RAD51B: variants seen among roughly 807,000 people sequenced by gnomAD.
The protein encoded by RAD51B is DNA repair protein RAD51 homolog 2.
In RAD51B, 38 loss-of-function variants were observed where a neutral mutation model predicts 42.2. The observed-to-expected ratio is 0.90, with a 90% CI of 0.70 to 1.18. RAD51B has a LOEUF of 1.18. RAD51B is among the 50% of genes most tolerant of loss of function. RAD51B has a pLI of 0.00. For synonymous variants in RAD51B, 154 were observed against 145.2 expected (o/e 1.06, Z -0.43); for missense variants, 373 against 400.7 (o/e 0.93, Z 0.59).
chr14:68,655,023 C>T (rs1354515036), intron 11 of RAD51B, among the ~76,000 whole-genome samples: 2 of 152,120 alleles, frequency 1.3e-5, no homozygotes, highest in Non-Finnish European at 2.9e-5. Flanking sequence ...AGAGGCTGGC[C>T]CCACCAGGCA....
rs2084314979 is a variant in RAD51B at position 68,407,758 on chromosome 14, T to G, written c.854-3666T>G. On this transcript the variant is annotated intron_variant, in intron 8 of 10. Coordinates refer to ENST00000471583, the MANE Select transcript of RAD51B (RefSeq NM_133510.4). ...ATAGGAAGTAGCATTGAAGGCAGAGTAGATTTGGGACATGTGAACATAGGG... is the reference window on the plus strand; with the variant it reads ...ATAGGAAGTAGCATTGAAGGCAGAGGAGATTTGGGACATGTGAACATAGGG... Among the ~76,000 whole-genome samples, 3 of 151,686 alleles carry G rather than the reference T, an allele frequency of 2.0e-5. No homozygotes were observed. In the South Asian group the frequency reaches 6.3e-4, roughly 32 times the overall value.
At chr14:68,459,732 G>A (rs2085795848) in intron 9 of RAD51B, among the ~76,000 whole-genome samples, 1 of 152,344 alleles carries the variant, frequency 6.6e-6, no homozygotes, top group Admixed American at 6.5e-5. Context: ...GCTTCTTGCT[G>A]AACTTCTCTT....
chr14:68,280,490 T>G (rs1411503580), intron 7 of RAD51B, among the ~76,000 whole-genome samples: 1 of 152,160 alleles, frequency 6.6e-6, no homozygotes, highest in Non-Finnish European at 1.5e-5. Context: ...GAACCTCAGT[T>G]TCCTCATCTT....
chr14:68,274,084 A>G lies in RAD51B; in HGVS notation c.757-17800A>G, dbSNP rs527438467. ...TTTCAAATCTCTTGTTGATTCTACT[A>G]GTGACCCCCACATTTCTAACTGATA... On this transcript the variant is annotated intron_variant, in intron 7 of 10. Transcript: ENST00000471583. Among the ~76,000 whole-genome samples, 16 of 152,188 alleles carry G rather than the reference A, an allele frequency of 1.1e-4. 1 individual carries two copies. In the South Asian group the frequency reaches 2.9e-3, roughly 28 times the overall value.
At chr14:68,449,872 T>TAGA (rs1269730186) in intron 9 of RAD51B, among the ~76,000 whole-genome samples, 2 of 152,192 alleles carry the variant, frequency 1.3e-5, no homozygotes, top group East Asian at 3.8e-4. Flanking sequence ...TCCTTGTGAT[T>TAGA]AGAAGAACTC....
At chr14:68,093,403 T>C (rs960064624) in intron 7 of RAD51B, among the ~76,000 whole-genome samples, 1 of 152,230 alleles carries the variant, frequency 6.6e-6, no homozygotes, top group African/African-American at 2.4e-5. Context: ...ATTCAGAGAT[T>C]CAACTTCTTC....
intron 7 of RAD51B, among the ~76,000 whole-genome samples, chr14:68,089,759 CTT>C (rs1004491788): frequency 1.3e-5 from 2 of 152,144 alleles, no homozygotes; most frequent in African/African-American, 4.8e-5. Context: ...AAAACGCAGA[CTT>C]TGGCAAAAGA....
chr14:68,673,292 T>C (rs1215748848), intron 11 of RAD51B, among the ~76,000 whole-genome samples: 4 of 152,276 alleles, frequency 2.6e-5, no homozygotes, highest in Non-Finnish European at 5.9e-5. Flanking sequence ...AAGACATGCA[T>C]GTACACACAT....
intron 7 of RAD51B, among the ~76,000 whole-genome samples, chr14:67,986,017 GTGTGTGTGTGTGTGTAGTTTAATTC>G (rs2075184763): frequency 6.6e-6 from 1 of 152,132 alleles, no homozygotes; most frequent in Non-Finnish European, 1.5e-5. Flanking sequence ...TGATTTGTGT[GTGTGTGTGTGTGTGTAGTTTAATTC>G]TGTGTGTGTA....
intron 10 of RAD51B, among the ~76,000 whole-genome samples, chr14:68,485,689 C>T (rs1036512299): frequency 1.3e-5 from 2 of 152,224 alleles, no homozygotes; most frequent in Non-Finnish European, 2.9e-5. Flanking sequence ...TTGCATTTCT[C>T]CAGCCCCCAC....
At chr14:67,919,208 G>A (rs760804122) in intron 7 of RAD51B, among the ~76,000 whole-genome samples, 26 of 152,272 alleles carry the variant, frequency 1.7e-4, no homozygotes, top group Non-Finnish European at 2.2e-4. Flanking sequence ...GTAATAAGGG[G>A]TACATGCAAG....
chr14:68,304,891 A>G (rs1219488714), intron 8 of RAD51B, among the ~76,000 whole-genome samples: 2 of 152,204 alleles, frequency 1.3e-5, no homozygotes, highest in East Asian at 1.9e-4. Context: ...GGACCAACCC[A>G]TCTATGAGCA....
intron 8 of RAD51B, among the ~76,000 whole-genome samples, chr14:68,386,517 C>A (rs572772273): frequency 1.3e-5 from 2 of 152,280 alleles, no homozygotes; most frequent in East Asian, 3.9e-4. Flanking sequence ...TCTGCATATG[C>A]CCTCCCACAT....
At chr14:68,405,271 T>A (rs1396481557) in intron 8 of RAD51B, among the ~76,000 whole-genome samples, 1 of 152,118 alleles carries the variant, frequency 6.6e-6, no homozygotes, top group Non-Finnish European at 1.5e-5. Flanking sequence ...TGAGACCCTG[T>A]CTCTACAGAA....
At chr14:68,508,001 A>G (rs1243827286) in intron 10 of RAD51B, among the ~76,000 whole-genome samples, 2 of 151,864 alleles carry the variant, frequency 1.3e-5, no homozygotes, top group Admixed American at 6.6e-5. Context: ...CAGGGGATCC[A>G]CTACACGCTC....
intron 10 of RAD51B, among the ~76,000 whole-genome samples, chr14:68,521,965 C>T (rs1254416987): frequency 6.6e-6 from 1 of 152,210 alleles, no homozygotes; most frequent in Non-Finnish European, 1.5e-5. Flanking sequence ...ACTGACTTCA[C>T]AGCAACGCTA....
At chr14:68,034,412 C>T (rs2076091229) in intron 7 of RAD51B, among the ~76,000 whole-genome samples, 1 of 152,080 alleles carries the variant, frequency 6.6e-6, no homozygotes, top group South Asian at 2.1e-4. Context: ...GCTGGGACTA[C>T]AGGTGCTTGC....
intron 10 of RAD51B, among the ~76,000 whole-genome samples, chr14:68,528,267 T>C (rs1887061917): frequency 6.6e-6 from 1 of 152,246 alleles, no homozygotes; most frequent in Non-Finnish European, 1.5e-5. Context: ...TATTTCCTCT[T>C]TCTTTGCCTT....
intron 7 of RAD51B, among the ~76,000 whole-genome samples, chr14:68,037,787 A>G (rs1263090114): frequency 6.6e-6 from 1 of 152,210 alleles, no homozygotes; most frequent in African/African-American, 2.4e-5. Context: ...AACACTTGAC[A>G]GTTGTAAATT....
Sources: allele counts gnomAD v4.1 joint callset (sites outside exome capture counted in the v4.1 genomes callset), GRCh38; gene constraint gnomAD v4.1.1; transcripts MANE v1.5; gene names NCBI Gene and HGNC (gene_info 2026-07-23, HGNC 2026-07-21).